PCDHA8: variants seen among roughly 807,000 people sequenced by gnomAD.
PCDHA8 encodes the protein protocadherin alpha-8.
PCDHA8 carries 53 observed loss-of-function variants against 61.8 expected under a neutral mutation model. The observed-to-expected ratio is 0.86, with a 90% CI of 0.69 to 1.08. PCDHA8 has a LOEUF of 1.08. PCDHA8 is among the 50% of genes least tolerant of loss of function. The pLI, the probability that PCDHA8 is intolerant of heterozygous loss-of-function variation, is 0.00. For synonymous variants in PCDHA8, 618 were observed against 556.6 expected (o/e 1.11, Z -1.55); for missense variants, 1,293 against 1,245.0 (o/e 1.04, Z -0.58).
intron 1 of PCDHA8, among the ~76,000 whole-genome samples, chr5:140,923,795 A>C (rs1282849925): frequency 6.6e-6 from 1 of 152,360 alleles, no homozygotes; most frequent in African/African-American, 2.4e-5. Context: ...CATTCTTTTC[A>C]CAAATGAAAT....
At chr5:140,915,826 T>G (rs1432367192) in intron 1 of PCDHA8, among the ~76,000 whole-genome samples, 1 of 152,134 alleles carries the variant, frequency 6.6e-6, no homozygotes, top group Non-Finnish European at 1.5e-5. Context: ...GCCCTAGGGC[T>G]CTAAGATCAG....
chr5:140,877,361 A>G, intron 1 of PCDHA8: 6 of 1,613,976 alleles, frequency 3.7e-6, no homozygotes, highest in Non-Finnish European at 5.1e-6. Context: ...TACACTGGCG[A>G]GATCAGCACG....
Position 140,877,800 on chromosome 5 carries a change from T to G in PCDHA8, c.2394+34085T>G. 2.5e-6 allele frequency: 4 copies of G among 1,613,522 alleles called. No homozygotes were observed. In the Middle Eastern group the frequency reaches 5.0e-4, roughly 200 times the overall value. On this transcript the variant is annotated intron_variant, in intron 1 of 3. Transcript: ENST00000531613. ...ACCTCATGGCCTTCAGCCCAAGCCT[T>G]CAGCTGTCTCGAGAAGATTGTTTAA...
chr5:140,951,220 C>G (rs1554219798), intron 1 of PCDHA8, among the ~76,000 whole-genome samples: 1 of 151,926 alleles, frequency 6.6e-6, no homozygotes, highest in Non-Finnish European at 1.5e-5. Context: ...GGTTTGGATT[C>G]TTGATGGTCT....
Position 140,844,237 on chromosome 5 carries a change from T to C in PCDHA8, c.2394+522T>C, listed in dbSNP as rs1453017413. Among the ~76,000 whole-genome samples the C allele has an allele frequency of 2.7e-5, 4 of 149,830 alleles. 1 individual carries two copies. The highest frequency in any genetic ancestry group is 4.2e-4 in the South Asian group (2 of 4,726). On this transcript the variant is annotated intron_variant, in intron 1 of 3. Coordinates refer to ENST00000531613, the MANE Select transcript of PCDHA8 (RefSeq NM_018911.3). ...CACAAATATCTTTGGTGTTTCACTA[T>C]TGCCGTTTTAAGCAGTGTAGTGATA...
At chr5:140,877,258 G>A in intron 1 of PCDHA8, 1 of 1,613,780 alleles carries the variant, frequency 6.2e-7, no homozygotes, top group South Asian at 1.1e-5. Flanking sequence ...GAAAGTGCGC[G>A]CGGTGGACGC....
At chr5:140,874,305 A>G (rs2054830761) in intron 1 of PCDHA8, among the ~76,000 whole-genome samples, 1 of 152,116 alleles carries the variant, frequency 6.6e-6, no homozygotes, top group Non-Finnish European at 1.5e-5. Context: ...CTTGTTCACA[A>G]TGAGTTGTAG....
At chr5:140,883,521 T>G in intron 1 of PCDHA8, 1 of 1,614,202 alleles carries the variant, frequency 6.2e-7, no homozygotes, top group Non-Finnish European at 8.5e-7. Flanking sequence ...CGCGAGAGCG[T>G]ATCAGCCTAT....
chr5:140,873,548 T>C lies in PCDHA8; in HGVS notation c.2394+29833T>C, dbSNP rs1434309989. ...GCATTCTATGGTATAAAATTATAAT[T>C]TCAATTTATTTTCTAGTTTGGTTGT... On this transcript the variant is annotated intron_variant, in intron 1 of 3. Coordinates refer to ENST00000531613, the MANE Select transcript of PCDHA8 (RefSeq NM_018911.3). Among the ~76,000 whole-genome samples, 5 of 151,990 alleles carry C rather than the reference T, an allele frequency of 3.3e-5. No individual in the cohort carries two copies. In the East Asian group the frequency reaches 7.7e-4, roughly 23 times the overall value.
At chr5:140,858,132 A>G (rs781998170) in intron 1 of PCDHA8, 3 of 1,597,528 alleles carry the variant, frequency 1.9e-6, no homozygotes, top group Non-Finnish European at 2.6e-6. Context: ...GTGGATGTCA[A>G]CGTGTACCTG....
intron 1 of PCDHA8, chr5:140,967,037 G>C (rs1429896772): frequency 2.5e-6 from 4 of 1,611,378 alleles, no homozygotes; most frequent in South Asian, 1.1e-5. Flanking sequence ...GCGCTACCTG[G>C]AGCTGGACCT....
At chr5:140,844,541 T>C (rs1361373728) in intron 1 of PCDHA8, among the ~76,000 whole-genome samples, 3 of 149,594 alleles carry the variant, frequency 2.0e-5, no homozygotes, top group Non-Finnish European at 4.5e-5. Flanking sequence ...TTCAACCCTT[T>C]GTTCATGAGT....
intron 1 of PCDHA8, among the ~76,000 whole-genome samples, chr5:140,908,289 G>A (rs1031565997): frequency 2.6e-5 from 4 of 152,184 alleles, no homozygotes; most frequent in Non-Finnish European, 4.4e-5. Flanking sequence ...GTTGCAAGCT[G>A]GGGAAGAGAA....
At chr5:140,992,017 CTGTGTGTGTGTGTG>C (rs10602499) in intron 3 of PCDHA8, among the ~76,000 whole-genome samples, 7 of 145,626 alleles carry the variant, frequency 4.8e-5, no homozygotes, top group East Asian at 2.0e-4. Context: ...AGAGGTGGCT[CTGTGTGTGTGTGTG>C]TGTGTGTGTG....
intron 1 of PCDHA8, chr5:140,929,578 TA>T: frequency 2.2e-6 from 1 of 445,404 alleles, no homozygotes; most frequent in Non-Finnish European, 4.0e-6. Flanking sequence ...ATAAAAGTAA[TA>T]TGACATAAAG....
chr5:140,891,430 A>G (rs1422502424), intron 1 of PCDHA8, among the ~76,000 whole-genome samples: 1 of 141,772 alleles, frequency 7.1e-6, no homozygotes, highest in Non-Finnish European at 1.5e-5. Flanking sequence ...CCAAGTCCCC[A>G]ACGTCCATTG....
At chr5:140,887,438 A>T (rs540823028) in intron 1 of PCDHA8, among the ~76,000 whole-genome samples, 3 of 152,268 alleles carry the variant, frequency 2.0e-5, no homozygotes, top group Admixed American at 6.5e-5. Flanking sequence ...TTCACTGGGC[A>T]TAGTTGACAG....
At chr5:140,921,287 A>C (rs1563045357) in intron 1 of PCDHA8, among the ~76,000 whole-genome samples, 1 of 152,210 alleles carries the variant, frequency 6.6e-6, no homozygotes. Flanking sequence ...AAAAAACCTC[A>C]AATTTGCTGA....
At position 140,974,381 on chromosome 5, in the gene PCDHA8, G is replaced by A. The variant is rs782006620; in HGVS notation, c.2395-4568G>A. 3.3e-5 allele frequency among the ~76,000 whole-genome samples: 5 copies of A among 152,272 alleles called. No homozygotes were observed. In the East Asian group the frequency reaches 7.7e-4, roughly 23 times the overall value. On this transcript the variant is annotated intron_variant, in intron 1 of 3. Transcript: ENST00000531613. ...AGACCTAGCACTTTCTGTTGTACTG[G>A]AACCCATTAGGTATGTTCTAAAGTT...
Sources: gnomAD v4.1 joint callset for allele counts (sites outside exome capture counted in the v4.1 genomes callset) on GRCh38, gnomAD v4.1.1 for gene constraint, MANE v1.5 for transcripts, NCBI Gene and HGNC (gene_info 2026-07-23, HGNC 2026-07-21) for gene names.